Variants in PREX1 observed in about 807,000 individuals in gnomAD.
PREX1 encodes the protein phosphatidylinositol-3,4,5-trisphosphate dependent Rac exchange factor 1.
A neutral mutation model predicts 198.3 loss-of-function variants in PREX1; 41 were observed. The ratio of observed to expected loss-of-function variants is 0.21; its 90% CI spans 0.16 to 0.27. The LOEUF (loss-of-function observed/expected upper bound fraction) is 0.27. Ranked by LOEUF, PREX1 falls within the 10% of genes least tolerant of loss-of-function variation. PREX1 has a pLI of 1.00. For synonymous variants in PREX1, 843 were observed against 887.2 expected (o/e 0.95, Z 0.89); for missense variants, 1,620 against 2,200.7 (o/e 0.74, Z 5.28).
At chr20:48,767,875 C>G (rs1226376929) in intron 1 of PREX1, among the ~76,000 whole-genome samples, 1 of 152,210 alleles carries the variant, frequency 6.6e-6, no homozygotes. Flanking sequence ...CAGCCTCACC[C>G]AAGCCACAAG....
chr20:48,633,007 C>T (rs73138132), intron 33 of PREX1, among the ~76,000 whole-genome samples: 24,278 of 152,210 alleles, frequency 0.16, 2,267 homozygotes, highest in Middle Eastern at 0.3. Context: ...TACCCTCACC[C>T]GGTAGCCCAT....
At chr20:48,873,588 C>T in the PREX1 span, among the ~76,000 whole-genome samples, 5 of 146,712 alleles carry the variant, frequency 3.4e-5, no homozygotes, top group African/African-American at 1.0e-4. Flanking sequence ...GGTATGGTGG[C>T]GGGCGCCTAT....
chr20:48,651,168 G>T, intron 22 of PREX1, 113 bp from the exon 23 acceptor site: 1 of 1,379,156 alleles, frequency 7.3e-7, no homozygotes. Flanking sequence ...AGTCAGGTGT[G>T]TTGCTGGCCC....
At chr20:48,752,130 C>A (rs1346009691) in intron 1 of PREX1, among the ~76,000 whole-genome samples, 1 of 152,104 alleles carries the variant, frequency 6.6e-6, no homozygotes, top group Non-Finnish European at 1.5e-5. Flanking sequence ...CAGTACCATG[C>A]AAATATCAAA....
chr20:48,815,747 G>A (rs1036107570), intron 1 of PREX1, among the ~76,000 whole-genome samples: 2 of 152,192 alleles, frequency 1.3e-5, no homozygotes, highest in Non-Finnish European at 2.9e-5. Flanking sequence ...CTCATTGCCT[G>A]TAATCTCAGC....
chr20:48,794,761 G>C (rs73260220), intron 1 of PREX1, among the ~76,000 whole-genome samples: 2,859 of 152,352 alleles, frequency 0.019, 108 homozygotes, highest in African/African-American at 0.066. Context: ...CTCGGGGACT[G>C]GGCCTTGGAT....
intron 1 of PREX1, among the ~76,000 whole-genome samples, chr20:48,793,619 G>C (rs1363970630): frequency 6.6e-6 from 1 of 152,212 alleles, no homozygotes; most frequent in Non-Finnish European, 1.5e-5. Flanking sequence ...TGCACTGGCT[G>C]CTTTACCGGT....
chr20:48,746,938 A>G (rs1256756057), intron 2 of PREX1, among the ~76,000 whole-genome samples: 2 of 133,990 alleles, frequency 1.5e-5, no homozygotes, highest in Admixed American at 7.8e-5. Context: ...ATCCCAGTGC[A>G]TGAACACACA....
the PREX1 span, among the ~76,000 whole-genome samples, chr20:48,841,801 C>G: frequency 6.6e-6 from 1 of 152,146 alleles, no homozygotes; most frequent in Non-Finnish European, 1.5e-5. Context: ...ACAACTAACC[C>G]CCCGCCCACC....
intron 7 of PREX1, among the ~76,000 whole-genome samples, chr20:48,695,864 A>T (rs2089842567): frequency 1.3e-5 from 2 of 152,154 alleles, no homozygotes; most frequent in African/African-American, 4.8e-5. Context: ...AAACTATTCA[A>T]CTCTGCCCTT....
At chr20:48,715,547 C>A (rs548046069) in intron 5 of PREX1, among the ~76,000 whole-genome samples, 1 of 152,146 alleles carries the variant, frequency 6.6e-6, no homozygotes, top group Non-Finnish European at 1.5e-5. Flanking sequence ...GCACAAGTGG[C>A]CTCACCTCTC....
Position 48,634,431 on chromosome 20 carries a change from T to G in PREX1, c.4267+245A>C, listed in dbSNP as rs1316561351. ...TATTAAGAATTGGGTACCAGTGTCA[T>G]TCTCTTTTAAGAGCTGTTGGAAATA... On this transcript the variant is annotated intron_variant, in intron 33 of 39. Coordinates refer to ENST00000371941, the MANE Select transcript of PREX1 (RefSeq NM_020820.4). 2.6e-5 allele frequency among the ~76,000 whole-genome samples: 4 copies of G among 152,244 alleles called. No individual in the cohort carries two copies. The East Asian group carries it at 7.7e-4, about 29-fold the overall frequency.
intron 5 of PREX1, among the ~76,000 whole-genome samples, chr20:48,716,923 T>C (rs985836191): frequency 4.6e-5 from 7 of 152,290 alleles, no homozygotes; most frequent in South Asian, 2.1e-4. Context: ...CAGCAGGACA[T>C]GGACAGACGG....
At chr20:48,702,206 T>TAAAAA (rs71184231) in intron 6 of PREX1, among the ~76,000 whole-genome samples, 1 of 122,826 alleles carries the variant, frequency 8.1e-6, no homozygotes, top group Non-Finnish European at 1.7e-5. Context: ...GGACTCTGTC[T>TAAAAA]AAAAAAAAAA....
chr20:48,763,416 C>A (rs1282239903), intron 1 of PREX1, among the ~76,000 whole-genome samples: 2 of 152,094 alleles, frequency 1.3e-5, no homozygotes, highest in Non-Finnish European at 2.9e-5. Context: ...CACTCGGGGC[C>A]CCAGGATGCA....
At chr20:48,766,462 A>G (rs2090208582) in intron 1 of PREX1, among the ~76,000 whole-genome samples, 2 of 152,154 alleles carry the variant, frequency 1.3e-5, no homozygotes, top group Admixed American at 1.3e-4. Flanking sequence ...TCAGCCTCCA[A>G]GCTGTGCTGC....
intron 23 of PREX1, 33 bp downstream of exon 23, chr20:48,650,861 G>A (rs771304815): frequency 3.1e-6 from 5 of 1,610,692 alleles, no homozygotes; most frequent in Non-Finnish European, 4.2e-6. Context: ...TCTGGGACCT[G>A]TGGCAGAGAC....
chr20:48,632,730 C>T, intron 33 of PREX1, 91 bp from the exon 34 acceptor site: 3 of 1,471,448 alleles, frequency 2.0e-6, no homozygotes, highest in South Asian at 2.4e-5. Context: ...TGGCACCTCC[C>T]TGCCCCCAGG....
At chr20:48,637,438 C>T (rs1468953540) in intron 31 of PREX1, among the ~76,000 whole-genome samples, 7 of 152,248 alleles carry the variant, frequency 4.6e-5, no homozygotes, top group East Asian at 1.9e-4. Flanking sequence ...AAGGCTCTAC[C>T]GGCACAAGGC....
Sources: allele counts gnomAD v4.1 joint callset (sites outside exome capture counted in the v4.1 genomes callset), GRCh38; gene constraint gnomAD v4.1.1; transcripts MANE v1.5; gene names NCBI Gene and HGNC (gene_info 2026-07-23, HGNC 2026-07-21).